Variants in DNAH8 observed in about 807,000 individuals in gnomAD.
DNAH8 encodes the protein dynein axonemal heavy chain 8, also known as axonemal beta dynein heavy chain 8.
In DNAH8, 382 loss-of-function variants were observed where a neutral mutation model predicts 562.1. The observed-to-expected ratio is 0.68, with a 90% CI of 0.63 to 0.74. DNAH8 has a LOEUF of 0.74. Among genes scored for constraint, DNAH8 ranks in the 30% least tolerant of loss-of-function variants. DNAH8 has a pLI of 0.00. For missense variants in DNAH8, 5,203 were observed against 5,620.4 expected, an observed-to-expected ratio of 0.93 and a Z score of 2.37; for synonymous variants, 1,881 against 1,919.4, an observed-to-expected ratio of 0.98 and a Z score of 0.52.
intron 72 of DNAH8, chr6:38,923,418 G>A (rs1428182955): frequency 4.6e-5 from 18 of 393,428 alleles, no homozygotes; most frequent in Non-Finnish European, 8.1e-5. Flanking sequence ...TTTTGATATT[G>A]TTTGGATTTG....
At chr6:38,750,949 A>G (rs1323426442) in intron 9 of DNAH8, among the ~76,000 whole-genome samples, 1 of 152,272 alleles carries the variant, frequency 6.6e-6, no homozygotes, top group East Asian at 1.9e-4. Flanking sequence ...ATTTAAATAT[A>G]TAGTGAATCA....
chr6:38,874,038 T>C lies in DNAH8; in HGVS notation c.7620+662T>C, dbSNP rs1211155435. ...CCTCTTTCTTTCCCTTTTTCTTTTC[T>C]TTTCTTTCTTTCTTTCTTTCTTTCT... On this transcript the variant is annotated intron_variant, in intron 52 of 92. Transcript: ENST00000327475. Among the ~76,000 whole-genome samples the C allele has an allele frequency of 1.4e-4, 3 of 21,064 alleles. 1 individual carries two copies. Among genetic ancestry groups the C allele is most frequent in the Admixed American group, 1.4e-3 (2 of 1,422 alleles). The allele number at this position is 21,064 out of a possible 152,430, so 13.8% of individuals were successfully genotyped here. A position where few individuals can be genotyped will look rare whatever the true frequency, so the allele number is the denominator to read the frequency against.
At chr6:39,014,836 G>T (rs964680616) in intron 91 of DNAH8, among the ~76,000 whole-genome samples, 1 of 152,118 alleles carries the variant, frequency 6.6e-6, no homozygotes, top group Admixed American at 6.6e-5. Flanking sequence ...CTCAGGGGTT[G>T]GGGCTGTATA....
In DNAH8 at chr6:38,909,808, A is replaced by C. The variant is rs1051436547; in HGVS notation, c.9740+64A>C. 5.5e-6 allele frequency: 7 copies of C among 1,276,588 alleles called. No homozygotes were observed. The Admixed American group carries it at 1.2e-4, about 23-fold the overall frequency. 79.1% of individuals were successfully genotyped at this position (1,276,588 alleles called of 1,614,324 possible). A position where few individuals can be genotyped will look rare whatever the true frequency, so the allele number is the denominator to read the frequency against. On this transcript the variant is annotated intron_variant, in intron 65 of 92. Transcript: ENST00000327475. The stretch of plus-strand genomic sequence containing the variant: ...CAGCATGTATTCCCAAGAGGAATGC[A>C]TTGTAACATCCAGCAGAAGACTCTT...
intron 89 of DNAH8, among the ~76,000 whole-genome samples, 180 bp from the exon 90 acceptor site, chr6:39,012,035 G>A (rs184151716): frequency 6.6e-6 from 1 of 152,302 alleles, no homozygotes. Flanking sequence ...CAGTAGTTTT[G>A]GAAACGCAGG....
At chr6:38,927,682 C>T (rs908296948) in intron 74 of DNAH8, among the ~76,000 whole-genome samples, 1 of 152,112 alleles carries the variant, frequency 6.6e-6, no homozygotes, top group Admixed American at 6.5e-5. Flanking sequence ...ATTCTTGGAA[C>T]CTTGCCTGGA....
At chr6:38,733,525 G>C (rs1257821829) in intron 4 of DNAH8, among the ~76,000 whole-genome samples, 1 of 152,156 alleles carries the variant, frequency 6.6e-6, no homozygotes, top group Non-Finnish European at 1.5e-5. Flanking sequence ...GGATGGGATA[G>C]GAGAACAGGT....
At chr6:39,020,261 G>T (rs912177221) in intron 91 of DNAH8, among the ~76,000 whole-genome samples, 4 of 152,156 alleles carry the variant, frequency 2.6e-5, no homozygotes, top group Non-Finnish European at 5.9e-5. Flanking sequence ...GAGTCAGCTT[G>T]TACTAGTGAC....
chr6:38,802,406 A>C (rs80260878), intron 21 of DNAH8, among the ~76,000 whole-genome samples: 1 of 152,170 alleles, frequency 6.6e-6, no homozygotes, highest in Non-Finnish European at 1.5e-5. Context: ...ACTGCATCCA[A>C]CTACTTTTCT....
chr6:38,908,453 T>G (rs575615178), intron 64 of DNAH8, among the ~76,000 whole-genome samples: 28 of 152,232 alleles, frequency 1.8e-4, no homozygotes, highest in Admixed American at 7.9e-4. Context: ...ATGTCTCTGA[T>G]GTAGGTTTGA....
At chr6:38,911,207 G>A (rs1026085465) in intron 65 of DNAH8, among the ~76,000 whole-genome samples, 1 of 152,304 alleles carries the variant, frequency 6.6e-6, no homozygotes, top group African/African-American at 2.4e-5. Context: ...TCTGGGAGGG[G>A]TAGAGCAGAT....
intron 55 of DNAH8, 33 bp downstream of exon 55, chr6:38,883,489 C>T: frequency 6.4e-7 from 1 of 1,561,414 alleles, no homozygotes; most frequent in Non-Finnish European, 8.7e-7. Flanking sequence ...ATATTATAAA[C>T]ATAATACATT....
intron 58 of DNAH8, among the ~76,000 whole-genome samples, chr6:38,893,280 T>C (rs899538309): frequency 2.0e-5 from 3 of 152,236 alleles, no homozygotes; most frequent in African/African-American, 7.2e-5. Flanking sequence ...ATTCATGCCT[T>C]GTCTATCAGC....
chr6:39,023,397 G>A (rs57002741), intron 91 of DNAH8, among the ~76,000 whole-genome samples: 39,506 of 152,014 alleles, frequency 0.26, 5,658 homozygotes, highest in African/African-American at 0.37. Flanking sequence ...GGAGGCTGAG[G>A]CAGGAGAGTG....
chr6:38,949,152 C>T (rs939454081), intron 80 of DNAH8, among the ~76,000 whole-genome samples: 1 of 152,098 alleles, frequency 6.6e-6, no homozygotes, highest in Non-Finnish European at 1.5e-5. Context: ...ATCCAAATGA[C>T]AGTAATACCA....
intron 62 of DNAH8, among the ~76,000 whole-genome samples, chr6:38,902,654 G>A (rs992139794): frequency 3.9e-5 from 6 of 152,192 alleles, no homozygotes; most frequent in South Asian, 2.1e-4. Flanking sequence ...CATGACAGTC[G>A]TTCCTGTGTC....
chr6:38,929,369 A>G, intron 74 of DNAH8, 142 bp from the exon 75 acceptor site: 1 of 782,020 alleles, frequency 1.3e-6, no homozygotes, highest in South Asian at 2.6e-5. Flanking sequence ...TAATTTTTGT[A>G]TGTTACTTTA....
chr6:38,955,397 G>A (rs922692935), intron 82 of DNAH8, among the ~76,000 whole-genome samples: 11 of 152,204 alleles, frequency 7.2e-5, no homozygotes, highest in South Asian at 4.1e-4. Context: ...TTGGGAGGCC[G>A]AGGTGGGTGG....
intron 23 of DNAH8, among the ~76,000 whole-genome samples, chr6:38,806,998 G>A (rs1445126122): frequency 6.6e-6 from 1 of 152,018 alleles, no homozygotes; most frequent in Non-Finnish European, 1.5e-5. Flanking sequence ...GCCTTGCCCC[G>A]ATGTATGACT....
Sources: allele counts gnomAD v4.1 joint callset (sites outside exome capture counted in the v4.1 genomes callset), GRCh38; gene constraint gnomAD v4.1.1; transcripts MANE v1.5; gene names NCBI Gene and HGNC (gene_info 2026-07-23, HGNC 2026-07-21).